Variants in DCSTAMP observed in about 807,000 individuals in gnomAD.
The protein encoded by DCSTAMP is dendritic cell-specific transmembrane protein.
A neutral mutation model predicts 33.8 loss-of-function variants in DCSTAMP; 25 were observed. The observed-to-expected ratio is 0.74, with a 90% CI of 0.54 to 1.03. The LOEUF is 1.03. Among genes scored for constraint, DCSTAMP ranks in the 50% least tolerant of loss-of-function variants. The pLI is 0.00. For missense variants in DCSTAMP, 531 were observed against 556.8 expected (o/e 0.95, Z 0.47); for synonymous variants, 245 against 216.7 (o/e 1.13, Z -1.15).
At chr8:104,347,404 C>T (rs1235584759) in intron 1 of DCSTAMP, among the ~76,000 whole-genome samples, 3 of 152,134 alleles carry the variant, frequency 2.0e-5, no homozygotes, top group Non-Finnish European at 2.9e-5. Flanking sequence ...GCTTTCTGGT[C>T]TGTAAAATTA....
rs1221198997 is a variant in DCSTAMP at position 104,348,732 on chromosome 8, G to T, written c.180G>T (p.Ala60=). The T allele has an allele frequency of 9.3e-6, 15 of 1,613,922 alleles. No individual in the cohort carries two copies. The South Asian group carries it at 1.3e-4, about 14-fold the overall frequency. ...GCTGGTTTCTGCCATCAATCATAGCGGCCGCTGCCTCCTGGATTATCACGT... is the reference window on the plus strand; with the variant it reads ...GCTGGTTTCTGCCATCAATCATAGCTGCCGCTGCCTCCTGGATTATCACGT... ...AACWFLPSII[A]AAASWIITCV... is the part of the protein sequence containing the mutation. The change falls in exon 2 of 4, where the codon GCG becomes GCT. Residue 60 remains alanine, a synonymous_variant. Coordinates refer to ENST00000297581, the MANE Select transcript of DCSTAMP (RefSeq NM_030788.4).
At chr8:104,352,519 C>T (rs1478265914) in intron 2 of DCSTAMP, among the ~76,000 whole-genome samples, 1 of 152,126 alleles carries the variant, frequency 6.6e-6, no homozygotes, top group Admixed American at 6.5e-5. Context: ...CTCTCTCCTA[C>T]ATTTTTCTTC....
At chr8:104,343,005 G>A (rs1025161731) in intron 1 of DCSTAMP, among the ~76,000 whole-genome samples, 6 of 152,224 alleles carry the variant, frequency 3.9e-5, no homozygotes, top group Non-Finnish European at 7.3e-5. Context: ...GAGGAGGGGA[G>A]GACCCTGGAT....
intron 1 of DCSTAMP, among the ~76,000 whole-genome samples, chr8:104,346,406 G>A (rs1488493699): frequency 6.6e-6 from 1 of 152,208 alleles, no homozygotes; most frequent in East Asian, 1.9e-4. Flanking sequence ...GACTCGGTCT[G>A]TAATGCCAGG....
At position 104,356,383 on chromosome 8, in the gene DCSTAMP, G is replaced by C; in HGVS notation, c.*185G>C. ...TCATCTCAAAGCCAAAGAGCTGCCA[G>C]GTAAATGGTTATGTGGTCTATGTTC... On this transcript the variant is annotated 3_prime_UTR_variant, in exon 4 of 4. Coordinates refer to ENST00000297581, the MANE Select transcript of DCSTAMP (RefSeq NM_030788.4). 1 of 482,550 alleles carries C rather than the reference G, an allele frequency of 2.1e-6. No individual in the cohort carries two copies. The highest frequency in any genetic ancestry group is 3.2e-5 in the South Asian group (1 of 31,394). 29.9% of individuals were successfully genotyped at this position (482,550 alleles called of 1,614,324 possible). A position where few individuals can be genotyped will look rare whatever the true frequency, so the allele number is the denominator to read the frequency against.
chr8:104,352,213 C>G (rs1810480140), intron 2 of DCSTAMP, among the ~76,000 whole-genome samples: 1 of 152,208 alleles, frequency 6.6e-6, no homozygotes, highest in Admixed American at 6.5e-5. Context: ...CTCCCTTTTC[C>G]TCTGGCTCAG....
At chr8:104,341,137 C>T (rs969127919) in intron 1 of DCSTAMP, among the ~76,000 whole-genome samples, 3 of 152,220 alleles carry the variant, frequency 2.0e-5, no homozygotes, top group Non-Finnish European at 2.9e-5. Context: ...ACATTTCTTC[C>T]TCCCACACTT....
Position 104,349,503 on chromosome 8 carries a change from G to A in DCSTAMP, c.951G>A (p.Leu317=), listed in dbSNP as rs1175094007. Residue 317 remains leucine, a synonymous_variant, in exon 2 of 4, where the codon CTG becomes CTA. Transcript: ENST00000297581. ...WVLFAAVDYL[L]YRLIFSVSKQ... ...TGTTTGCAGCTGTAGATTATCTGCTGTATCGGCTCATTTTCTCAGTGAGCA... is the reference window on the plus strand; with the variant it reads ...TGTTTGCAGCTGTAGATTATCTGCTATATCGGCTCATTTTCTCAGTGAGCA... The A allele has an allele frequency of 1.9e-6, 3 of 1,614,050 alleles. No individual in the cohort carries two copies. Among genetic ancestry groups the A allele is most frequent in the Non-Finnish European group, 2.5e-6 (3 of 1,180,042 alleles).
chr8:104,353,980 T>C (rs903707316), intron 2 of DCSTAMP, among the ~76,000 whole-genome samples: 2 of 152,216 alleles, frequency 1.3e-5, no homozygotes, highest in Admixed American at 1.3e-4. Context: ...TAAATGACTT[T>C]CCCAGGTCAG....
intron 1 of DCSTAMP, among the ~76,000 whole-genome samples, chr8:104,348,325 C>T (rs570575876): frequency 4.6e-5 from 7 of 152,202 alleles, no homozygotes; most frequent in Admixed American, 1.3e-4. Flanking sequence ...AAAGAAGTCA[C>T]AAGGCCAGGT....
intron 2 of DCSTAMP, among the ~76,000 whole-genome samples, chr8:104,354,478 A>T (rs1810557585): frequency 6.6e-6 from 1 of 152,210 alleles, no homozygotes; most frequent in Non-Finnish European, 1.5e-5. Flanking sequence ...CAAGTATTCC[A>T]TGAAAATGAG....
intron 3 of DCSTAMP, among the ~76,000 whole-genome samples, chr8:104,355,782 G>C (rs1324448867): frequency 1.3e-5 from 2 of 152,120 alleles, no homozygotes; most frequent in Non-Finnish European, 2.9e-5. Flanking sequence ...ATATATATAG[G>C]CCATCAGGAA....
At chr8:104,355,238 G>A (rs369433244) in intron 3 of DCSTAMP, 53 bp downstream of exon 3, 21 of 1,545,240 alleles carry the variant, frequency 1.4e-5, no homozygotes, top group Non-Finnish European at 1.8e-5. Context: ...TGAGTTTGGA[G>A]GGAAATGGGA....
intron 1 of DCSTAMP, among the ~76,000 whole-genome samples, chr8:104,347,867 G>A (rs1810353558): frequency 6.6e-6 from 1 of 152,202 alleles, no homozygotes; most frequent in Non-Finnish European, 1.5e-5. Flanking sequence ...CTTGAGATGG[G>A]GAGATTATCC....
chr8:104,350,729 T>C (rs1484572417), intron 2 of DCSTAMP, among the ~76,000 whole-genome samples: 2 of 152,160 alleles, frequency 1.3e-5, no homozygotes, highest in African/African-American at 4.8e-5. Context: ...TAGACCACAT[T>C]TTGAGCAACT....
At chr8:104,349,795 G>A (rs1438246964) in intron 2 of DCSTAMP, among the ~76,000 whole-genome samples, 1 of 152,212 alleles carries the variant, frequency 6.6e-6, no homozygotes, top group African/African-American at 2.4e-5. Context: ...TTAGTTCCCT[G>A]TGGCTGCTGT....
rs200192854 is a variant in DCSTAMP at position 104,349,508 on chromosome 8, G to A, written c.956G>A (p.Arg319Gln). Residue 319 changes from arginine (R) to glutamine (Q), a missense_variant, in exon 2 of 4, where the codon CGG (arginine) becomes CAG (glutamine). Arg to Gln is a conservative substitution (Grantham distance 43, BLOSUM62 1). Transcript: ENST00000297581. ...GCAGCTGTAGATTATCTGCTGTATC[G>A]GCTCATTTTCTCAGTGAGCAAGCAG... ...LFAAVDYLLY[R>Q]LIFSVSKQFQ... 26 of 1,614,026 alleles carry A rather than the reference G, an allele frequency of 1.6e-5. No homozygotes were observed. The highest frequency in any genetic ancestry group is 2.2e-5 in the East Asian group (1 of 44,874).
chr8:104,355,215 A>G (rs1321048491), intron 3 of DCSTAMP, 30 bp downstream of exon 3: 2 of 1,578,776 alleles, frequency 1.3e-6, no homozygotes, highest in South Asian at 1.2e-5. Flanking sequence ...GTAACCTCCA[A>G]TTGAGGAAGT....
intron 2 of DCSTAMP, among the ~76,000 whole-genome samples, chr8:104,354,516 TG>T (rs1370794299): frequency 6.6e-6 from 1 of 152,216 alleles, no homozygotes; most frequent in African/African-American, 2.4e-5. Flanking sequence ...TTAGGAAAAC[TG>T]CTGCTAAAAT....
Sources: gnomAD v4.1 joint callset for allele counts (sites outside exome capture counted in the v4.1 genomes callset) on GRCh38, gnomAD v4.1.1 for gene constraint, MANE v1.5 for transcripts, NCBI Gene and HGNC (gene_info 2026-07-23, HGNC 2026-07-21) for gene names.